Variants in SNAP91 observed in about 807,000 individuals in gnomAD.
SNAP91 encodes the protein clathrin coat assembly protein AP180.
SNAP91 carries 27 observed loss-of-function variants against 100.3 expected under a neutral mutation model. That is an observed-to-expected ratio of 0.27 (90% CI 0.20 to 0.37). The LOEUF is 0.37. Ranked by LOEUF, SNAP91 falls within the 10% of genes least tolerant of loss-of-function variation. SNAP91 has a pLI of 1.00. For synonymous variants in SNAP91, 404 were observed against 398.6 expected, an observed-to-expected ratio of 1.01 and a Z score of -0.16; for missense variants, 986 against 1,123.7, an observed-to-expected ratio of 0.88 and a Z score of 1.75.
chr6:83,588,937 A>C (rs1678805874), intron 22 of SNAP91, among the ~76,000 whole-genome samples: 1 of 152,106 alleles, frequency 6.6e-6, no homozygotes, highest in Non-Finnish European at 1.5e-5. Flanking sequence ...TCAAATTCCC[A>C]TTTGAGATCT....
chr6:83,674,300 G>T (rs2098829953), intron 2 of SNAP91, among the ~76,000 whole-genome samples: 1 of 152,072 alleles, frequency 6.6e-6, no homozygotes, highest in Admixed American at 6.6e-5. Context: ...CAGGCACAGT[G>T]GTGGGCACCT....
rs555260047 is a variant in SNAP91 at position 83,598,684 on chromosome 6, T to C, written c.1324+2587A>G. The stretch of plus-strand genomic sequence containing the variant: ...TCTGATTATTCTAGAGTTCTACCAC[T>C]TACCCATTGTAGAGAGACAAAATAT... On this transcript the variant is annotated intron_variant, in intron 16 of 29. Coordinates refer to ENST00000369694, the MANE Select transcript of SNAP91 (RefSeq NM_001242792.2). Among the ~76,000 whole-genome samples, 5 of 152,236 alleles carry C rather than the reference T, an allele frequency of 3.3e-5. No individual in the cohort carries two copies. The East Asian group carries it at 9.6e-4, about 29-fold the overall frequency.
chr6:83,601,749 T>C, intron 14 of SNAP91, 150 bp from the exon 15 acceptor site: 1 of 738,250 alleles, frequency 1.4e-6, no homozygotes, highest in South Asian at 1.7e-5. Flanking sequence ...AAAAAATAAA[T>C]GTACTACCTA....
chr6:83,587,269 T>A (rs1282735105), intron 22 of SNAP91, among the ~76,000 whole-genome samples: 4 of 152,194 alleles, frequency 2.6e-5, no homozygotes, highest in Non-Finnish European at 4.4e-5. Flanking sequence ...AAAAATCTAA[T>A]CTTAGGCATG....
chr6:83,571,068 G>A (rs1041599333), intron 26 of SNAP91, among the ~76,000 whole-genome samples: 1 of 151,680 alleles, frequency 6.6e-6, no homozygotes, highest in African/African-American at 2.4e-5. Context: ...ACCCTGCAAA[G>A]CTACAGGGAT....
At chr6:83,649,683 T>C (rs1375985189) in intron 7 of SNAP91, among the ~76,000 whole-genome samples, 2 of 151,838 alleles carry the variant, frequency 1.3e-5, no homozygotes, top group African/African-American at 4.8e-5. Context: ...CCAGCTCAAG[T>C]GATTCTCCTG....
intron 16 of SNAP91, among the ~76,000 whole-genome samples, chr6:83,595,880 G>A (rs1015341745): frequency 6.6e-6 from 1 of 152,138 alleles, no homozygotes; most frequent in African/African-American, 2.4e-5. Flanking sequence ...TAGTAATGCA[G>A]AGTTCTAGTT....
chr6:83,647,934 T>C (rs1585483666), intron 7 of SNAP91, among the ~76,000 whole-genome samples: 1 of 152,156 alleles, frequency 6.6e-6, no homozygotes, highest in African/African-American at 2.4e-5. Flanking sequence ...TGTCAGAAGG[T>C]ATCACGTGGT....
In SNAP91 at chr6:83,571,421, A is replaced by T. The variant is rs374914575; in HGVS notation, c.2442+3589T>A. Reference sequence around the variant, plus strand: ...CCTGGCCCGGGAGCCCACCTCTTGCATCATGTGTGACCTGGATATAAGACT... The same window carrying T: ...CCTGGCCCGGGAGCCCACCTCTTGCTTCATGTGTGACCTGGATATAAGACT... On this transcript the variant is annotated intron_variant, in intron 26 of 29. Coordinates refer to ENST00000369694, the MANE Select transcript of SNAP91 (RefSeq NM_001242792.2). Among the ~76,000 whole-genome samples, 16 of 152,250 alleles carry T rather than the reference A, an allele frequency of 1.1e-4. No homozygotes were observed. In the East Asian group the frequency reaches 1.4e-3, roughly 13 times the overall value.
chr6:83,640,983 C>T, intron 8 of SNAP91, 113 bp downstream of exon 8: 2 of 566,782 alleles, frequency 3.5e-6, no homozygotes, highest in Non-Finnish European at 5.8e-6. Context: ...GACTCCGAGG[C>T]ACTTCCAACC....
chr6:83,662,206 T>C (rs1181982738), intron 4 of SNAP91, 141 bp downstream of exon 4: 1 of 325,720 alleles, frequency 3.1e-6, no homozygotes, highest in Non-Finnish European at 5.7e-6. Context: ...TAATTAAATA[T>C]TTTAAAGCTA....
chr6:83,681,119 T>C (rs992644492), intron 2 of SNAP91, among the ~76,000 whole-genome samples: 6 of 152,164 alleles, frequency 3.9e-5, no homozygotes, highest in African/African-American at 1.2e-4. Flanking sequence ...CAAAAGTATA[T>C]CTTAGAATCA....
chr6:83,608,741 A>G (rs1029752602), intron 12 of SNAP91, among the ~76,000 whole-genome samples: 2 of 152,216 alleles, frequency 1.3e-5, no homozygotes, highest in African/African-American at 4.8e-5. Context: ...ACAGAAATTT[A>G]CAGACTTAAA....
At chr6:83,679,048 C>CAA (rs1314181268) in intron 2 of SNAP91, 32 of 295,142 alleles carry the variant, frequency 1.1e-4, no homozygotes, top group African/African-American at 7.4e-4. Context: ...AACCACCACA[C>CAA]ACACACACAA....
intron 2 of SNAP91, among the ~76,000 whole-genome samples, chr6:83,672,059 T>C (rs921443464): frequency 6.6e-6 from 1 of 152,178 alleles, no homozygotes; most frequent in Admixed American, 6.5e-5. Flanking sequence ...ATGTACTTTA[T>C]ACCTTATATT....
rs200124917 is a variant in SNAP91, at chr6:83,707,971, G to A, written c.-30-14C>T. 38 of 1,535,914 alleles carry A rather than the reference G, an allele frequency of 2.5e-5. No homozygotes were observed. Among genetic ancestry groups the A allele is most frequent in the Non-Finnish European group, 3.1e-5 (36 of 1,152,438 alleles). On this transcript the variant is annotated splice_polypyrimidine_tract_variant and intron_variant, in intron 1 of 29. Coordinates refer to ENST00000369694, the MANE Select transcript of SNAP91 (RefSeq NM_001242792.2). The stretch of plus-strand genomic sequence containing the variant: ...CCGCCTCCTCTTCTGCAGGAAACAA[G>A]GGGAGACGGTCCGGCTTTAATCCGC...
At chr6:83,708,811 G>A (rs769592303) in intron 1 of SNAP91, 34 bp downstream of exon 1, 1 of 152,090 alleles carries the variant, frequency 6.6e-6, no homozygotes, top group Admixed American at 6.5e-5. Context: ...ACCCTGGCGC[G>A]GGGAGGGGGC....
intron 8 of SNAP91, among the ~76,000 whole-genome samples, chr6:83,630,320 A>G (rs531231334): frequency 2.0e-4 from 30 of 151,698 alleles, no homozygotes; most frequent in Non-Finnish European, 3.4e-4. Context: ...TTTTTTGGTT[A>G]TGTCCTTTTC....
chr6:83,676,850 A>C (rs2098914200), intron 2 of SNAP91, among the ~76,000 whole-genome samples: 1 of 152,168 alleles, frequency 6.6e-6, no homozygotes. Flanking sequence ...GGTGTTAATG[A>C]GCTTATATTA....
Sources: allele counts gnomAD v4.1 joint callset (sites outside exome capture counted in the v4.1 genomes callset), GRCh38; gene constraint gnomAD v4.1.1; transcripts MANE v1.5; gene names NCBI Gene and HGNC (gene_info 2026-07-23, HGNC 2026-07-21).